Variants in RAVER2 observed in about 807,000 individuals in gnomAD.
RAVER2 encodes the protein ribonucleoprotein PTB-binding 2.
In RAVER2, 46 loss-of-function variants were observed where a neutral mutation model predicts 78.1. That is an observed-to-expected ratio of 0.59 (90% confidence interval 0.46 to 0.75). RAVER2 has a LOEUF of 0.75. Ranked by LOEUF, RAVER2 falls within the 30% of genes least tolerant of loss-of-function variation. The pLI, the probability that RAVER2 is intolerant of heterozygous loss-of-function variation, is 0.00. For missense variants in RAVER2, 793 were observed against 837.5 expected (o/e 0.95, Z 0.66); for synonymous variants, 311 against 313.3 (o/e 0.99, Z 0.08).
chr1:64,807,828 G>C (rs1332675101), intron 9 of RAVER2, among the ~76,000 whole-genome samples: 2 of 151,986 alleles, frequency 1.3e-5, no homozygotes, highest in East Asian at 3.9e-4. Context: ...TTTCCAAAAA[G>C]TTTGTGATAT....
intron 11 of RAVER2, among the ~76,000 whole-genome samples, chr1:64,820,583 A>G (rs1035661594): frequency 3.3e-5 from 5 of 152,114 alleles, no homozygotes; most frequent in Admixed American, 6.5e-5. Context: ...CCTCATGTAG[A>G]CAGCAGAGTC....
intron 4 of RAVER2, among the ~76,000 whole-genome samples, chr1:64,787,048 T>A (rs370283313): frequency 1.3e-5 from 2 of 152,230 alleles, no homozygotes; most frequent in African/African-American, 4.8e-5. Context: ...TCAATACTTA[T>A]GTTTTTCATA....
chr1:64,792,349 G>A (rs1014178746), intron 5 of RAVER2, among the ~76,000 whole-genome samples: 4 of 152,072 alleles, frequency 2.6e-5, no homozygotes, highest in Non-Finnish European at 5.9e-5. Flanking sequence ...GAATGCAGTG[G>A]GATTTCCTTC....
intron 1 of RAVER2, among the ~76,000 whole-genome samples, chr1:64,760,598 G>A (rs1651992894): frequency 6.6e-6 from 1 of 152,076 alleles, no homozygotes; most frequent in African/African-American, 2.4e-5. Context: ...TATAGGGCTG[G>A]CACATTTAGC....
At position 64,814,687 on chromosome 1, in the gene RAVER2, G is replaced by A; in HGVS notation, c.1793-17G>A. 1.5e-6 allele frequency: 2 copies of A among 1,361,122 alleles called. No individual in the cohort carries two copies. The highest frequency in any genetic ancestry group is 1.9e-6 in the Non-Finnish European group (2 of 1,044,450). The allele number at this position is 1,361,122 out of a possible 1,614,324, so 84.3% of individuals were successfully genotyped here. On this transcript the variant is annotated splice_polypyrimidine_tract_variant and intron_variant, in intron 10 of 11. Transcript: ENST00000294428. ...AAAATAACCTAAATAAAATAAACTT[G>A]TTGATTCTGCCTTTAGCCCCTGCAA...
chr1:64,777,988 A>T (rs770708230), exon 3 of RAVER2: 2 of 1,614,130 alleles, frequency 1.2e-6, no homozygotes, highest in East Asian at 2.2e-5. Flanking sequence ...TTCAGAGCTC[A>T]TTCATTCTAA....
rs954851718 is a variant in RAVER2 at position 64,829,292 on chromosome 1, A to G, written c.1930-1547A>G. ...GAAGAGCAGGAGCATCCCAGATCCCAGAGTGAGCAGTCTGCTTCCCTCCCC... is the reference window on the plus strand; with the variant it reads ...GAAGAGCAGGAGCATCCCAGATCCCGGAGTGAGCAGTCTGCTTCCCTCCCC... On this transcript the variant is annotated intron_variant, in intron 11 of 11. Transcript: ENST00000294428. Among the ~76,000 whole-genome samples, 20 of 152,344 alleles carry G rather than the reference A, an allele frequency of 1.3e-4. 1 individual carries two copies. In the East Asian group the frequency reaches 1.9e-3, roughly 15 times the overall value.
At chr1:64,751,893 T>G (rs1255547728) in intron 1 of RAVER2, among the ~76,000 whole-genome samples, 2 of 152,232 alleles carry the variant, frequency 1.3e-5, no homozygotes, top group African/African-American at 4.8e-5. Context: ...AATCCTAAAA[T>G]TGCTTATCAT....
At chr1:64,832,812 G>A (rs897815779) in exon 12 of RAVER2, 3 of 152,188 alleles carry the variant, frequency 2.0e-5, no homozygotes, top group African/African-American at 7.2e-5. Context: ...TTCAGGCCCT[G>A]CACTTCTCTT....
At chr1:64,747,679 A>C in intron 1 of RAVER2, among the ~76,000 whole-genome samples, 1 of 152,036 alleles carries the variant, frequency 6.6e-6, no homozygotes, top group East Asian at 1.9e-4. Flanking sequence ...TGCCTGGCTA[A>C]TTTTTGTATT....
chr1:64,831,539 T>TAAGA (rs1654129662), exon 12 of RAVER2: 1 of 152,248 alleles, frequency 6.6e-6, no homozygotes, highest in Non-Finnish European at 1.5e-5. Context: ...TTAAACCCGG[T>TAAGA]AAGAGAGTGA....
At chr1:64,813,859 ACACACACAC>A (rs1462030519) in intron 10 of RAVER2, among the ~76,000 whole-genome samples, 1 of 150,538 alleles carries the variant, frequency 6.6e-6, no homozygotes, top group East Asian at 1.9e-4. Flanking sequence ...ACACACACAC[ACACACACAC>A]ACACACGTTT....
At chr1:64,792,718 G>A (rs766048009) in intron 5 of RAVER2, among the ~76,000 whole-genome samples, 4 of 152,158 alleles carry the variant, frequency 2.6e-5, no homozygotes, top group Non-Finnish European at 4.4e-5. Flanking sequence ...TGCCTCACTT[G>A]AGCACATACA....
chr1:64,753,680 C>T (rs1274648649), intron 1 of RAVER2, among the ~76,000 whole-genome samples: 8 of 151,776 alleles, frequency 5.3e-5, no homozygotes, highest in African/African-American at 1.9e-4. Context: ...CCCGCCACCA[C>T]ACCTGGCTAA....
intron 5 of RAVER2, among the ~76,000 whole-genome samples, chr1:64,794,215 G>A (rs1000234672): frequency 6.6e-6 from 1 of 151,746 alleles, no homozygotes; most frequent in Non-Finnish European, 1.5e-5. Context: ...TTGAGACCAC[G>A]GTGAAACCCC....
intron 9 of RAVER2, among the ~76,000 whole-genome samples, chr1:64,811,062 T>G (rs905999339): frequency 1.3e-5 from 2 of 152,274 alleles, no homozygotes; most frequent in African/African-American, 4.8e-5. Flanking sequence ...AACCTATTAT[T>G]AAAAAGTTAA....
intron 11 of RAVER2, among the ~76,000 whole-genome samples, chr1:64,826,169 T>C (rs755405667): frequency 5.9e-5 from 9 of 152,246 alleles, no homozygotes; most frequent in Non-Finnish European, 1.0e-4. Flanking sequence ...ATGTCTACTA[T>C]ATGACAGGAC....
At chr1:64,811,407 G>C (rs531384369) in intron 9 of RAVER2, among the ~76,000 whole-genome samples, 12 of 152,214 alleles carry the variant, frequency 7.9e-5, no homozygotes, top group African/African-American at 2.9e-4. Context: ...CATAAACCTT[G>C]AATAACATCC....
chr1:64,777,286 G>A (rs1459404970), intron 2 of RAVER2, among the ~76,000 whole-genome samples: 2 of 151,852 alleles, frequency 1.3e-5, no homozygotes, highest in African/African-American at 4.8e-5. Flanking sequence ...TTTTTGGGTG[G>A]GAGGAAATCA....
Sources: allele counts gnomAD v4.1 joint callset (sites outside exome capture counted in the v4.1 genomes callset), GRCh38; gene constraint gnomAD v4.1.1; transcripts MANE v1.5; gene names NCBI Gene and HGNC (gene_info 2026-07-23, HGNC 2026-07-21).